TMEM272: variants seen among roughly 807,000 people sequenced by gnomAD.
The protein encoded by TMEM272 is long intergenic non-protein coding RNA 282.
In TMEM272, 8 loss-of-function variants were observed where a neutral mutation model predicts 3.7. The ratio of observed to expected loss-of-function variants is 2.17; its 90% CI spans 1.27 to 3.91. The LOEUF is 3.91. Among genes scored for constraint, TMEM272 ranks in the 30% most tolerant of loss-of-function variants. The pLI, the probability that TMEM272 is intolerant of heterozygous loss-of-function variation, is 0.00. For missense variants in TMEM272, 166 were observed against 91.5 expected (o/e 1.81, Z -3.32); for synonymous variants, 63 against 39.8 (o/e 1.58, Z -2.20).
At chr13:51,832,849 T>C (rs1171831843) in intron 2 of TMEM272, among the ~76,000 whole-genome samples, 1 of 152,230 alleles carries the variant, frequency 6.6e-6, no homozygotes, top group Non-Finnish European at 1.5e-5. Flanking sequence ...GACCAAGGTT[T>C]GGGTAGATGC....
chr13:51,828,349 G>A (rs1294903249), intron 2 of TMEM272, among the ~76,000 whole-genome samples: 1 of 152,200 alleles, frequency 6.6e-6, no homozygotes, highest in Non-Finnish European at 1.5e-5. Context: ...AAGTGCCTCT[G>A]GCTGGGAGCC....
chr13:51,866,507 G>A, the TMEM272 span, among the ~76,000 whole-genome samples: 1 of 152,198 alleles, frequency 6.6e-6, no homozygotes, highest in Non-Finnish European at 1.5e-5. Flanking sequence ...CTTCACTTGG[G>A]GCAGTCTTGG....
upstream of TMEM272, among the ~76,000 whole-genome samples, chr13:51,846,761 G>A (rs765843498): frequency 1.9e-4 from 29 of 152,058 alleles, no homozygotes; most frequent in Non-Finnish European, 2.9e-4. Flanking sequence ...GTAGGCCTAG[G>A]CTAATGTAAT....
chr13:51,869,272 T>C, the TMEM272 span, among the ~76,000 whole-genome samples: 1 of 152,182 alleles, frequency 6.6e-6, no homozygotes. Flanking sequence ...CCTCACATTA[T>C]TAACCTCAAC....
At position 51,814,762 on chromosome 13, in the gene TMEM272, C is replaced by G. The variant is rs1205366000; in HGVS notation, c.*1989G>C. On this transcript the variant is annotated 3_prime_UTR_variant, in exon 5 of 5. Transcript: ENST00000629372. ...CCCTCTGGGAAAGATTTCTGCAACA[C>G]TCTGGTGATACTCATGCCTACCAGA... is the stretch of plus-strand genomic sequence containing the variant. The G allele has an allele frequency of 6.6e-6, 1 of 152,268 alleles. No individual in the cohort carries two copies. 9.4% of individuals were successfully genotyped at this position (152,268 alleles called of 1,614,324 possible). A position where few individuals can be genotyped will look rare whatever the true frequency, so the allele number is the denominator to read the frequency against.
the TMEM272 span, among the ~76,000 whole-genome samples, chr13:51,914,710 G>C: frequency 4.6e-5 from 7 of 152,216 alleles, no homozygotes; most frequent in South Asian, 2.1e-4. Context: ...CTGGCTCCTC[G>C]GAGTGTGGCC....
At chr13:51,823,376 C>T (rs1028209448) in intron 3 of TMEM272, among the ~76,000 whole-genome samples, 8 of 152,272 alleles carry the variant, frequency 5.3e-5, no homozygotes, top group African/African-American at 1.7e-4. Flanking sequence ...CTGTGCCCAG[C>T]CCAGGCCAAA....
chr13:51,914,538 G>A, the TMEM272 span, among the ~76,000 whole-genome samples: 1 of 152,232 alleles, frequency 6.6e-6, no homozygotes, highest in Non-Finnish European at 1.5e-5. Flanking sequence ...TGACTCCTGG[G>A]ATTCCCCACT....
intron 1 of TMEM272, among the ~76,000 whole-genome samples, chr13:51,840,759 C>T (rs528988322): frequency 9.1e-4 from 138 of 152,340 alleles, no homozygotes; most frequent in Non-Finnish European, 1.0e-3. Context: ...ATTCAAATGT[C>T]TCTTCACAAG....
the TMEM272 span, among the ~76,000 whole-genome samples, chr13:51,887,062 CG>C: frequency 1.3e-5 from 2 of 152,168 alleles, no homozygotes; most frequent in African/African-American, 4.8e-5. Flanking sequence ...GGATCTAAAA[CG>C]CTATAAAGGT....
intron 2 of TMEM272, among the ~76,000 whole-genome samples, chr13:51,832,179 A>G (rs557134584): frequency 7.2e-5 from 11 of 152,158 alleles, no homozygotes; most frequent in Non-Finnish European, 1.5e-4. Context: ...TGCTCTCACG[A>G]CTGCTGATTG....
upstream of TMEM272, among the ~76,000 whole-genome samples, chr13:51,845,773 G>A (rs1956300079): frequency 1.3e-5 from 2 of 152,352 alleles, no homozygotes; most frequent in East Asian, 3.9e-4. Flanking sequence ...AGAAGTGCCA[G>A]AGATTCTTTA....
chr13:51,898,556 G>C, the TMEM272 span, among the ~76,000 whole-genome samples: 1 of 150,570 alleles, frequency 6.6e-6, no homozygotes, highest in African/African-American at 2.5e-5. Context: ...ATTCACATTT[G>C]CAAAAGTAGG....
chr13:51,933,537 C>G, the TMEM272 span: 1 of 152,248 alleles, frequency 6.6e-6, no homozygotes, highest in African/African-American at 2.4e-5. Context: ...ACTTCAGAGT[C>G]TAAAACTGAA....
At chr13:51,868,627 C>T in the TMEM272 span, among the ~76,000 whole-genome samples, 5 of 152,206 alleles carry the variant, frequency 3.3e-5, no homozygotes, top group African/African-American at 1.2e-4. Context: ...TAGCCAGCAC[C>T]TGTGACAGCA....
At chr13:51,929,408 T>C in the TMEM272 span, among the ~76,000 whole-genome samples, 1 of 152,192 alleles carries the variant, frequency 6.6e-6, no homozygotes, top group Non-Finnish European at 1.5e-5. Flanking sequence ...AGCCTCATGC[T>C]CTTCCCCTTC....
chr13:51,866,101 C>G, the TMEM272 span: 5 of 1,537,666 alleles, frequency 3.3e-6, no homozygotes, highest in Non-Finnish European at 4.4e-6. Context: ...GGTGCAGGGC[C>G]CTGTGGTCCA....
chr13:51,890,384 C>T, the TMEM272 span, among the ~76,000 whole-genome samples: 2 of 151,904 alleles, frequency 1.3e-5, no homozygotes, highest in African/African-American at 4.8e-5. Flanking sequence ...TTAAAAAGAG[C>T]CTCTCATCTC....
chr13:51,817,175 G>C, intron 4 of TMEM272, 62 bp from the exon 5 acceptor site: 1 of 657,878 alleles, frequency 1.5e-6, no homozygotes, highest in South Asian at 1.7e-5. Flanking sequence ...GGAAGAGAGG[G>C]GATAGAAGGT....
Sources: allele counts gnomAD v4.1 joint callset (sites outside exome capture counted in the v4.1 genomes callset), GRCh38; gene constraint gnomAD v4.1.1; transcripts MANE v1.5; gene names NCBI Gene and HGNC (gene_info 2026-07-23, HGNC 2026-07-21).